PAXIP1: variants seen among roughly 807,000 people sequenced by gnomAD.
PAXIP1 encodes PAX-interacting protein 1.
PAXIP1 carries 19 observed loss-of-function variants against 140.6 expected under a neutral mutation model. The observed-to-expected ratio is 0.14, with a 90% CI of 0.09 to 0.20. The LOEUF (loss-of-function observed/expected upper bound fraction) is 0.20. PAXIP1 is among the 10% of genes least tolerant of loss of function. The pLI, the probability that PAXIP1 is intolerant of heterozygous loss-of-function variation, is 1.00. For missense variants in PAXIP1, 920 were observed against 1,208.6 expected, an observed-to-expected ratio of 0.76 and a Z score of 3.54; for synonymous variants, 442 against 444.6, an observed-to-expected ratio of 0.99 and a Z score of 0.07.
intron 4 of PAXIP1, among the ~76,000 whole-genome samples, chr7:154,990,058 TG>T (rs1767337106): frequency 6.7e-6 from 1 of 148,776 alleles, no homozygotes; most frequent in South Asian, 2.1e-4. Flanking sequence ...TTTTTTTTTT[TG>T]AGATGGAGTT....
chr7:154,963,617 A>G lies in PAXIP1; in HGVS notation c.1989+54T>C, dbSNP rs752736504. 3 of 1,149,290 alleles carry G rather than the reference A, an allele frequency of 2.6e-6. No individual in the cohort carries two copies. The highest frequency in any genetic ancestry group is 3.9e-6 in the Non-Finnish European group (3 of 774,936). The allele number at this position is 1,149,290 out of a possible 1,614,324, so 71.2% of individuals were successfully genotyped here. On this transcript the variant is annotated intron_variant, in intron 9 of 20. Transcript: ENST00000404141. This position sits in a 1 kb window ranked among gnomAD's most constrained non-coding sequence, Gnocchi z 4.1. Reference sequence around the variant, plus strand: ...AATAATCACTAGCATTTAAGATTGCATATTAAAAATGCCAGACCTTGCTCC... The same window carrying G: ...AATAATCACTAGCATTTAAGATTGCGTATTAAAAATGCCAGACCTTGCTCC...
intron 16 of PAXIP1, chr7:154,950,259 C>T (rs1808214909): frequency 6.6e-6 from 1 of 152,036 alleles, no homozygotes; most frequent in East Asian, 1.9e-4. Flanking sequence ...ACAGACTTTA[C>T]CCTCTTTTAA....
intron 5 of PAXIP1, among the ~76,000 whole-genome samples, chr7:154,982,768 C>T (rs746013032): frequency 1.1e-4 from 16 of 152,056 alleles, no homozygotes; most frequent in Non-Finnish European, 1.9e-4. Context: ...GAGCCCTATG[C>T]TTATCAAGAC....
chr7:154,984,250 T>TA (rs920673695), intron 4 of PAXIP1, among the ~76,000 whole-genome samples: 9 of 151,836 alleles, frequency 5.9e-5, no homozygotes, highest in Admixed American at 2.0e-4. Flanking sequence ...AAATAATTTC[T>TA]AAAAAAAATG....
chr7:154,943,748 G>A lies in PAXIP1; in HGVS notation c.*401C>T, dbSNP rs1807798109. 1 of 178,644 alleles carries A rather than the reference G, an allele frequency of 5.6e-6. No individual in the cohort carries two copies. The highest frequency in any genetic ancestry group is 5.7e-5 in the Admixed American group (1 of 17,652). 11.1% of individuals were successfully genotyped at this position (178,644 alleles called of 1,614,324 possible). A position where few individuals can be genotyped will look rare whatever the true frequency, so the allele number is the denominator to read the frequency against. On this transcript the variant is annotated 3_prime_UTR_variant, in exon 21 of 21. Coordinates refer to ENST00000404141, the MANE Select transcript of PAXIP1 (RefSeq NM_007349.4). Reference sequence around the variant, plus strand: ...CAAGATATCAATATAAAAGAAAACAGAGTATAAGAAATAAAAATAATCAAA... The same window carrying A: ...CAAGATATCAATATAAAAGAAAACAAAGTATAAGAAATAAAAATAATCAAA...
At chr7:154,957,823 C>G (rs1288005738) in intron 13 of PAXIP1, among the ~76,000 whole-genome samples, 4 of 151,150 alleles carry the variant, frequency 2.6e-5, no homozygotes, top group Non-Finnish European at 5.9e-5. Context: ...AAAAATTAGC[C>G]GGGCGCGGTG....
intron 20 of PAXIP1, chr7:154,944,459 A>C: frequency 7.9e-6 from 2 of 251,788 alleles, no homozygotes; most frequent in Non-Finnish European, 1.6e-5. Flanking sequence ...TTAAATTAAC[A>C]TGTACAACAC....
At chr7:155,002,562 G>C (rs1029147782) in intron 1 of PAXIP1, among the ~76,000 whole-genome samples, 1 of 151,928 alleles carries the variant, frequency 6.6e-6, no homozygotes, top group Non-Finnish European at 1.5e-5. Context: ...CGGCCCGGTG[G>C]GTCGGGGGCG....
Position 154,991,507 on chromosome 7 carries a change from T to A in PAXIP1, c.261-438A>T, listed in dbSNP as rs73493764. On this transcript the variant is annotated intron_variant, in intron 3 of 20. Transcript: ENST00000404141. ...TGCTTCCACTGCACAGTAGGAAGAATCCTTCATAAGAGCTTGATTGAGCTC... is the reference window on the plus strand; with the variant it reads ...TGCTTCCACTGCACAGTAGGAAGAAACCTTCATAAGAGCTTGATTGAGCTC... Among the ~76,000 whole-genome samples the A allele has an allele frequency of 9.2e-3, 1,401 of 152,334 alleles. 32 individuals carry two copies. The highest frequency in any genetic ancestry group is 0.032 in the African/African-American group (1,328 of 41,580).
chr7:154,994,208 C>A (rs1356607937), intron 2 of PAXIP1, among the ~76,000 whole-genome samples: 1 of 152,054 alleles, frequency 6.6e-6, no homozygotes, highest in Non-Finnish European at 1.5e-5. Flanking sequence ...CAAGCAGATA[C>A]AATGTTTGTA....
chr7:154,947,366 G>A (rs1038799231), intron 17 of PAXIP1: 1 of 155,288 alleles, frequency 6.4e-6, no homozygotes, highest in African/African-American at 2.4e-5. Context: ...TCCTTAAGAA[G>A]GTTAAAGAAC....
chr7:154,968,959 G>GTGCTGC lies in PAXIP1; in HGVS notation c.1236_1241dup (p.Gln412_Gln413dup), dbSNP rs555344614. ...GCTGGGGCTGAAGGTGTAAAACCGGGTGCTGCTGCTGCTGCTGCTGGGCCT... is the reference window on the plus strand; with the variant it reads ...GCTGGGGCTGAAGGTGTAAAACCGGGTGCTGCTGCTGCTGCTGCTGCTGCTGGGCCT... On this transcript the variant is annotated inframe_insertion, in exon 7 of 21. Transcript: ENST00000404141. 1,240 of 1,476,942 alleles carry GTGCTGC rather than the reference G, an allele frequency of 8.4e-4. 8 individuals are homozygous for GTGCTGC. In the East Asian group the frequency reaches 8.7e-3, roughly 10 times the overall value. The allele number at this position is 1,476,942 out of a possible 1,614,324, so 91.5% of individuals were successfully genotyped here. A position where few individuals can be genotyped will look rare whatever the true frequency, so the allele number is the denominator to read the frequency against.
chr7:154,945,758 A>T (rs1807939119), intron 20 of PAXIP1: 1 of 985,182 alleles, frequency 1.0e-6, no homozygotes, highest in Admixed American at 6.2e-5. Context: ...TGCTTCACTG[A>T]TAGGCTGTTC....
intron 6 of PAXIP1, among the ~76,000 whole-genome samples, chr7:154,975,139 AGAGT>A (rs1809511249): frequency 6.8e-6 from 1 of 146,952 alleles, no homozygotes; most frequent in South Asian, 2.3e-4. Flanking sequence ...CCTGGGCGAC[AGAGT>A]GAGACTCCAT....
At chr7:154,987,126 A>G (rs946531385) in intron 4 of PAXIP1, among the ~76,000 whole-genome samples, 1 of 152,072 alleles carries the variant, frequency 6.6e-6, no homozygotes, top group African/African-American at 2.4e-5. Context: ...CCATCCTCCT[A>G]TCCCCACAGG....
intron 16 of PAXIP1, among the ~76,000 whole-genome samples, chr7:154,952,561 C>T (rs1221378669): frequency 1.3e-5 from 2 of 152,094 alleles, no homozygotes; most frequent in African/African-American, 2.4e-5. Context: ...TTCATGCAGG[C>T]GTGAGTTACA....
Position 154,946,922 on chromosome 7 carries a change from T to C in PAXIP1, c.2923-109A>G. The C allele has an allele frequency of 1.3e-6, 1 of 770,908 alleles. No individual in the cohort carries two copies. The highest frequency in any genetic ancestry group is 1.9e-5 in the South Asian group (1 of 52,454). 47.8% of individuals were successfully genotyped at this position (770,908 alleles called of 1,614,324 possible). ...AGATTTTTGACAAAATTTCAAATTTTATGACATTATGAAGGTACTATTCTC... is the reference window on the plus strand; with the variant it reads ...AGATTTTTGACAAAATTTCAAATTTCATGACATTATGAAGGTACTATTCTC... On this transcript the variant is annotated intron_variant, in intron 17 of 20. Coordinates refer to ENST00000404141, the MANE Select transcript of PAXIP1 (RefSeq NM_007349.4). This position sits in a 1 kb window ranked among gnomAD's most constrained non-coding sequence, Gnocchi z 4.9.
chr7:154,957,727 G>A (rs534398793), intron 13 of PAXIP1, among the ~76,000 whole-genome samples: 4 of 152,086 alleles, frequency 2.6e-5, no homozygotes, highest in African/African-American at 7.2e-5. Flanking sequence ...CAGCACTTTG[G>A]GAGGCCGAGG....
chr7:154,947,265 T>C (rs557193160), intron 17 of PAXIP1: 1 of 159,850 alleles, frequency 6.3e-6, no homozygotes, highest in Admixed American at 6.0e-5. Context: ...TATTGATGCT[T>C]AAGATTTAAT....
Sources: gnomAD v4.1 joint callset for allele counts (sites outside exome capture counted in the v4.1 genomes callset) on GRCh38, gnomAD v4.1.1 for gene constraint, Gnocchi (gnomAD v3.1) non-coding constraint, MANE v1.5 for transcripts, NCBI Gene and HGNC (gene_info 2026-07-23, HGNC 2026-07-21) for gene names.